Variants in GCNT4 observed in about 807,000 individuals in gnomAD.
GCNT4 encodes glucosaminyl (N-acetyl) transferase 4, also known as beta-1,3-galactosyl-O-glycosyl-glycoprotein beta-1,6-N-acetylglucosaminyltransferase 4.
In GCNT4, 17 loss-of-function variants were observed where a neutral mutation model predicts 31.3. The ratio of observed to expected loss-of-function variants is 0.54; its 90% confidence interval spans 0.37 to 0.81. The LOEUF is 0.81. Among genes scored for constraint, GCNT4 ranks in the 40% least tolerant of loss-of-function variants. GCNT4 has a pLI of 0.00. For missense variants in GCNT4, 503 were observed against 525.5 expected, an observed-to-expected ratio of 0.96 and a Z score of 0.42; for synonymous variants, 158 against 190.6, an observed-to-expected ratio of 0.83 and a Z score of 1.41.
chr5:75,041,108 T>G (rs1190955875), intron 3 of GCNT4, among the ~76,000 whole-genome samples: 1 of 152,260 alleles, frequency 6.6e-6, no homozygotes, highest in African/African-American at 2.4e-5. Flanking sequence ...TGTAAGTTCA[T>G]TATCTTTTAT....
At chr5:75,046,694 A>C (rs1743446457) in intron 3 of GCNT4, among the ~76,000 whole-genome samples, 2 of 152,344 alleles carry the variant, frequency 1.3e-5, no homozygotes, top group African/African-American at 4.8e-5. Flanking sequence ...CCAGAAAACC[A>C]ACAAGAGAAG....
chr5:75,029,079 A>G lies in GCNT4; in HGVS notation c.959T>C (p.Ile320Thr), dbSNP rs373040292. ...AGACCAGGCAAAAAAGTCTTGAACG[A>G]TGGAGTTGTTGAAAATATATTTAAC... is the stretch of plus-strand genomic sequence containing the variant. ...AFVKYIFNNS[I>T]VQDFFAWSKD... is the part of the protein sequence containing the mutation. The change falls in exon 4 of 4, where the codon ATC (isoleucine) becomes ACC (threonine). Residue 320 changes from isoleucine to threonine, a missense_variant. Ile to Thr is a moderately conservative substitution (Grantham distance 89, BLOSUM62 -1). Transcript: ENST00000652361. 1.2e-6 allele frequency: 2 copies of G among 1,614,062 alleles called. No individual in the cohort carries two copies. The highest frequency in any genetic ancestry group is 1.3e-5 in the African/African-American group (1 of 74,938).
intron 3 of GCNT4, among the ~76,000 whole-genome samples, chr5:75,033,679 T>A (rs1479538222): frequency 3.2e-5 from 4 of 126,798 alleles, no homozygotes; most frequent in African/African-American, 1.1e-4. Context: ...ATTTATTTTT[T>A]TTTTTTTACT....
chr5:75,036,524 C>T (rs1028272697), intron 3 of GCNT4, among the ~76,000 whole-genome samples: 1 of 152,210 alleles, frequency 6.6e-6, no homozygotes, highest in Non-Finnish European at 1.5e-5. Context: ...TCCATATTTC[C>T]CGCAACAGTT....
chr5:75,051,616 T>A (rs563366323), intron 2 of GCNT4, among the ~76,000 whole-genome samples: 1 of 152,220 alleles, frequency 6.6e-6, no homozygotes, highest in African/African-American at 2.4e-5. Flanking sequence ...AAAACAACCA[T>A]AGGTCATTCA....
intron 3 of GCNT4, among the ~76,000 whole-genome samples, chr5:75,046,020 C>T (rs1354011820): frequency 6.6e-6 from 1 of 152,092 alleles, no homozygotes; most frequent in Non-Finnish European, 1.5e-5. Context: ...TGTTCAACAT[C>T]AGTTGAAATG....
intron 3 of GCNT4, among the ~76,000 whole-genome samples, chr5:75,044,957 T>C (rs2149973598): frequency 6.6e-6 from 1 of 152,320 alleles, no homozygotes; most frequent in East Asian, 1.9e-4. Context: ...GGCAACACAG[T>C]TTTAGTAGCA....
chr5:75,032,877 GTGTGTGT>G (rs1561374237), intron 3 of GCNT4, among the ~76,000 whole-genome samples: 117 of 76,608 alleles, frequency 1.5e-3, no homozygotes, highest in South Asian at 3.4e-3. Context: ...ATAGGGGTGT[GTGTGTGT>G]GTGTGTGTGT....
upstream of GCNT4, among the ~76,000 whole-genome samples, chr5:75,053,948 C>A (rs1048318708): frequency 6.6e-6 from 1 of 152,166 alleles, no homozygotes; most frequent in Non-Finnish European, 1.5e-5. Flanking sequence ...AGCAAACTCA[C>A]ATCCGCGGCT....
At chr5:75,043,560 T>G (rs1328439434) in intron 3 of GCNT4, among the ~76,000 whole-genome samples, 1 of 152,140 alleles carries the variant, frequency 6.6e-6, no homozygotes, top group Non-Finnish European at 1.5e-5. Flanking sequence ...CTTCTTCCAC[T>G]TTTCTGCCTG....
upstream of GCNT4, among the ~76,000 whole-genome samples, chr5:75,053,764 C>T (rs1215606271): frequency 6.6e-6 from 1 of 152,150 alleles, no homozygotes; most frequent in Non-Finnish European, 1.5e-5. Flanking sequence ...CTGCCCTGCG[C>T]TCCCAGTCCC....
downstream of GCNT4, among the ~76,000 whole-genome samples, chr5:75,023,573 C>A (rs1242586378): frequency 6.6e-6 from 1 of 151,676 alleles, no homozygotes; most frequent in Non-Finnish European, 1.5e-5. Flanking sequence ...AAAGTAGAGG[C>A]TGAGTGAATT....
rs4704166 is a variant in GCNT4, at chr5:75,029,077, C to G, written c.961G>C (p.Val321Leu). ...TTAGACCAGGCAAAAAAGTCTTGAA[C>G]GATGGAGTTGTTGAAAATATATTTA... ...FVKYIFNNSI[V>L]QDFFAWSKDT... Residue 321 changes from valine to leucine, a missense_variant, in exon 4 of 4, where the codon GTT (valine) becomes CTT (leucine). By Grantham distance (32) the Val-to-Leu change is conservative (BLOSUM62 1). Transcript: ENST00000652361. The G allele has an allele frequency of 8.1e-6, 13 of 1,613,750 alleles. No homozygotes were observed. The highest frequency in any genetic ancestry group is 1.1e-5 in the Non-Finnish European group (13 of 1,179,994).
At chr5:75,042,714 G>C (rs1000933927) in intron 3 of GCNT4, among the ~76,000 whole-genome samples, 1 of 152,104 alleles carries the variant, frequency 6.6e-6, no homozygotes, top group African/African-American at 2.4e-5. Context: ...TTTGTTTTCT[G>C]GGTTCTTCCA....
the GCNT4 span, among the ~76,000 whole-genome samples, chr5:75,018,065 C>G: frequency 7.9e-5 from 12 of 152,128 alleles, no homozygotes; most frequent in Admixed American, 7.9e-4. Context: ...AAAAGACCCA[C>G]AAGTAAGATT....
chr5:75,029,268 G>T lies in GCNT4; in HGVS notation c.770C>A (p.Pro257His). The T allele has an allele frequency of 6.2e-7, 1 of 1,614,046 alleles. No individual in the cohort carries two copies. The highest frequency in any genetic ancestry group is 8.5e-7 in the Non-Finnish European group (1 of 1,180,012). ...NGANMLETVK[P>H]PNSKLERFTY... ...GAATCTTTCCAATTTACTGTTTGGG[G>T]GTTTCACCGTCTCCAACATATTTGC... is the stretch of plus-strand genomic sequence containing the variant. Residue 257 changes from proline to histidine, a missense_variant, in exon 4 of 4, where the codon CCC becomes CAC. By Grantham distance (77) the Pro-to-His change is moderately conservative. Transcript: ENST00000652361.
Position 75,029,533 on chromosome 5 carries a change from G to T in GCNT4, c.505C>A (p.Pro169Thr), listed in dbSNP as rs747375740. The T allele has an allele frequency of 1.2e-6, 2 of 1,614,108 alleles. No individual in the cohort carries two copies. Among genetic ancestry groups the T allele is most frequent in the Non-Finnish European group, 1.7e-6 (2 of 1,180,024 alleles). Reference protein sequence around the residue: ...IYCIHYDRKAPDTFKVAMNNL... With the variant: ...IYCIHYDRKATDTFKVAMNNL... ...TTCATGGCAACTTTGAAGGTATCAG[G>T]TGCCTTACGATCATAATGGATGCAG... is the stretch of plus-strand genomic sequence containing the variant. Residue 169 changes from proline to threonine, a missense_variant, in exon 4 of 4, where the codon CCT (proline) becomes ACT (threonine). Physicochemically the swap from Pro to Thr is conservative, Grantham distance 38 (BLOSUM62 -1). Coordinates refer to ENST00000652361, the MANE Select transcript of GCNT4 (RefSeq NM_001366737.1).
intron 3 of GCNT4, chr5:75,030,569 T>C (rs1015831030): frequency 1.8e-5 from 3 of 168,122 alleles, no homozygotes; most frequent in African/African-American, 4.8e-5. Flanking sequence ...CCAAAGGAGC[T>C]ATGCTAAGTA....
At position 75,029,644 on chromosome 5, in the gene GCNT4, G is replaced by C. The variant is rs1743019307; in HGVS notation, c.394C>G (p.Pro132Ala). Reference sequence around the variant, plus strand: ...TGGACAACCAAAGAATAGGCTATTGGGAAGCTTTTCTCCTCCTTTGAGACA... The same window carrying C: ...TGGACAACCAAAGAATAGGCTATTGCGAAGCTTTTCTCCTCCTTTGAGACA... ...KLVSKEEKSF[P>A]IAYSLVVHKD... Residue 132 changes from proline (P) to alanine (A), a missense_variant, in exon 4 of 4, where the codon CCA (proline) becomes GCA (alanine). Pro to Ala is a conservative substitution (Grantham distance 27, BLOSUM62 -1). Coordinates refer to ENST00000652361, the MANE Select transcript of GCNT4 (RefSeq NM_001366737.1). 6.2e-7 allele frequency: 1 copy of C among 1,613,938 alleles called. No homozygotes were observed. The highest frequency in any genetic ancestry group is 1.7e-5 in the Admixed American group (1 of 60,008).
Sources: gnomAD v4.1 joint callset for allele counts (sites outside exome capture counted in the v4.1 genomes callset) on GRCh38, gnomAD v4.1.1 for gene constraint, MANE v1.5 for transcripts, NCBI Gene and HGNC (gene_info 2026-07-23, HGNC 2026-07-21) for gene names.